PLXNA4: variants seen among roughly 807,000 people sequenced by gnomAD.
PLXNA4 encodes the protein plexin A4.
PLXNA4 carries 44 observed loss-of-function variants against 191.8 expected under a neutral mutation model. The ratio of observed to expected loss-of-function variants is 0.23; its 90% CI spans 0.18 to 0.29. PLXNA4 has a LOEUF of 0.29. Ranked by LOEUF, PLXNA4 falls within the 10% of genes least tolerant of loss-of-function variation. The pLI, the probability that PLXNA4 is intolerant of heterozygous loss-of-function variation, is 1.00. For missense variants in PLXNA4, 1,800 were observed against 2,488.8 expected, an observed-to-expected ratio of 0.72 and a Z score of 5.89; for synonymous variants, 1,082 against 1,009.5, an observed-to-expected ratio of 1.07 and a Z score of -1.36.
chr7:132,130,209 T>C lies in PLXNA4; in HGVS notation c.*270A>G. 4.7e-6 allele frequency: 2 copies of C among 424,670 alleles called. No homozygotes were observed. Among genetic ancestry groups the C allele is most frequent in the Non-Finnish European group, 4.3e-6 (1 of 231,030 alleles). 26.3% of individuals were successfully genotyped at this position (424,670 alleles called of 1,614,324 possible). On this transcript the variant is annotated 3_prime_UTR_variant, in exon 32 of 32. Coordinates refer to ENST00000321063, the MANE Select transcript of PLXNA4 (RefSeq NM_020911.2). Reference sequence around the variant, plus strand: ...GGGAGACAGAGGCCTCTCTGACATCTTCTGGTCAGCTCCCTTGCCATGGGC... The same window carrying C: ...GGGAGACAGAGGCCTCTCTGACATCCTCTGGTCAGCTCCCTTGCCATGGGC...
chr7:132,370,822 T>C (rs1804406860), intron 3 of PLXNA4, among the ~76,000 whole-genome samples: 1 of 152,208 alleles, frequency 6.6e-6, no homozygotes, highest in South Asian at 2.1e-4. Context: ...TCCTCTGCTG[T>C]TAGGCAAAAC....
intron 3 of PLXNA4, among the ~76,000 whole-genome samples, chr7:132,443,696 T>C (rs959098364): frequency 6.6e-6 from 1 of 152,240 alleles, no homozygotes; most frequent in Admixed American, 6.5e-5. Context: ...GCATCCTTTC[T>C]TTATTACACA....
At chr7:132,401,453 G>A (rs1204042179) in intron 3 of PLXNA4, among the ~76,000 whole-genome samples, 1 of 152,220 alleles carries the variant, frequency 6.6e-6, no homozygotes, top group Admixed American at 6.5e-5. Flanking sequence ...AGGTTGGGAA[G>A]GTGAGACACA....
intron 2 of PLXNA4, among the ~76,000 whole-genome samples, chr7:132,502,151 G>A (rs748905127): frequency 3.9e-5 from 6 of 152,202 alleles, no homozygotes; most frequent in African/African-American, 1.2e-4. Flanking sequence ...GCTCACTTTC[G>A]TGGAGTTTCA....
chr7:132,288,279 A>T (rs1800757401), intron 4 of PLXNA4, among the ~76,000 whole-genome samples: 1 of 152,116 alleles, frequency 6.6e-6, no homozygotes, highest in Non-Finnish European at 1.5e-5. Flanking sequence ...TACAGTGGAC[A>T]ATTCAGCACC....
At chr7:132,504,302 G>C (rs934887949) in intron 2 of PLXNA4, among the ~76,000 whole-genome samples, 1 of 152,202 alleles carries the variant, frequency 6.6e-6, no homozygotes, top group Non-Finnish European at 1.5e-5. Context: ...TTGTAGTAGG[G>C]GTTCTTCTTC....
At chr7:132,234,596 T>TTGTGTGTGTGTGTGTGTG (rs60249306) in intron 5 of PLXNA4, among the ~76,000 whole-genome samples, 144 of 144,248 alleles carry the variant, frequency 1.0e-3, no homozygotes, top group East Asian at 4.0e-3. Context: ...AGCATGTGTT[T>TTGTGTGTGTGTGTGTGTG]TGTGTGTGTG....
chr7:132,350,853 T>C (rs544235018), intron 3 of PLXNA4, among the ~76,000 whole-genome samples: 1 of 152,344 alleles, frequency 6.6e-6, no homozygotes, highest in South Asian at 2.1e-4. Flanking sequence ...CATAGCAGCA[T>C]TATTCAGAAT....
At chr7:132,548,028 A>G (rs986836038) in intron 1 of PLXNA4, among the ~76,000 whole-genome samples, 5 of 152,182 alleles carry the variant, frequency 3.3e-5, no homozygotes, top group Non-Finnish European at 7.3e-5. Context: ...GAAACCGAAG[A>G]AAACACCCAG....
chr7:132,246,543 G>T (rs1562989423), intron 4 of PLXNA4, among the ~76,000 whole-genome samples: 1 of 152,098 alleles, frequency 6.6e-6, no homozygotes, highest in East Asian at 1.9e-4. Flanking sequence ...AAATCCTCCT[G>T]CTGTTGCTCA....
At chr7:132,307,807 T>C (rs1398640337) in intron 3 of PLXNA4, among the ~76,000 whole-genome samples, 2 of 151,350 alleles carry the variant, frequency 1.3e-5, no homozygotes, top group Non-Finnish European at 2.9e-5. Context: ...TTGTTTTGAT[T>C]TCCTGATTCC....
chr7:132,442,725 G>T (rs543154180), intron 3 of PLXNA4, among the ~76,000 whole-genome samples: 208 of 152,322 alleles, frequency 1.4e-3, no homozygotes, highest in Non-Finnish European at 2.4e-3. Flanking sequence ...ACAGTCCCAG[G>T]CCAACCTGAC....
chr7:132,357,277 G>C (rs899951490), intron 3 of PLXNA4, among the ~76,000 whole-genome samples: 4 of 152,192 alleles, frequency 2.6e-5, no homozygotes, highest in Non-Finnish European at 5.9e-5. Flanking sequence ...TCAGCTGAGA[G>C]CGTGGAACAC....
chr7:132,125,467 A>G lies in PLXNA4; in HGVS notation c.*5012T>C, dbSNP rs1228598603. The G allele has an allele frequency of 6.6e-6, 1 of 151,710 alleles. No individual in the cohort carries two copies. Among genetic ancestry groups the G allele is most frequent in the Non-Finnish European group, 1.5e-5 (1 of 67,940 alleles). 9.4% of individuals were successfully genotyped at this position (151,710 alleles called of 1,614,324 possible). A position where few individuals can be genotyped will look rare whatever the true frequency, so the allele number is the denominator to read the frequency against. ...TCTGAACCTCTCCTCATCCCCTTGG[A>G]AGTCATAGGTTTTGCTCCCACTAAC... On this transcript the variant is annotated 3_prime_UTR_variant, in exon 32 of 32. Coordinates refer to ENST00000321063, the MANE Select transcript of PLXNA4 (RefSeq NM_020911.2).
At chr7:132,251,277 G>A (rs866499940) in intron 4 of PLXNA4, among the ~76,000 whole-genome samples, 2 of 152,072 alleles carry the variant, frequency 1.3e-5, no homozygotes, top group Non-Finnish European at 2.9e-5. Context: ...GAAAAGTATC[G>A]GTTGGCTTAT....
At chr7:132,638,376 G>T (rs1803650329) in intron 2 of PLXNA4, among the ~76,000 whole-genome samples, 2 of 152,252 alleles carry the variant, frequency 1.3e-5, no homozygotes. Context: ...CCAGGGCCGG[G>T]CATGGTGGCT....
rs1355597303 is a variant in PLXNA4 at position 132,182,042 on chromosome 7, G to C, written c.3252+55C>G. On this transcript the variant is annotated intron_variant, in intron 17 of 31. Transcript: ENST00000321063. Reference sequence around the variant, plus strand: ...ACTTGGGAAGACCCACACCCTTTGGGGAAGCAACGTGTTGCATGGGCAGCC... The same window carrying C: ...ACTTGGGAAGACCCACACCCTTTGGCGAAGCAACGTGTTGCATGGGCAGCC... 3.1e-6 allele frequency: 5 copies of C among 1,612,624 alleles called. No homozygotes were observed. In the Admixed American group the frequency reaches 5.0e-5, roughly 16 times the overall value.
At chr7:132,608,992 T>A (rs563479880) in intron 2 of PLXNA4, among the ~76,000 whole-genome samples, 44 of 152,230 alleles carry the variant, frequency 2.9e-4, no homozygotes, top group African/African-American at 1.0e-3. Context: ...CTTGCTCACA[T>A]GTTGTTTCTC....
At chr7:132,558,425 C>T (rs1033455936) in intron 1 of PLXNA4, among the ~76,000 whole-genome samples, 4 of 152,206 alleles carry the variant, frequency 2.6e-5, no homozygotes, top group Non-Finnish European at 5.9e-5. Context: ...ACTTCTATTA[C>T]ATTGCCACAA....
Sources: gnomAD v4.1 joint callset for allele counts (sites outside exome capture counted in the v4.1 genomes callset) on GRCh38, gnomAD v4.1.1 for gene constraint, MANE v1.5 for transcripts, NCBI Gene and HGNC (gene_info 2026-07-23, HGNC 2026-07-21) for gene names.